Variants in FAM241A observed in about 807,000 individuals in gnomAD.
FAM241A encodes the protein family with sequence similarity 241 member A, also known as uncharacterized protein FAM241A.
A neutral mutation model predicts 12.2 loss-of-function variants in FAM241A; 7 were observed. The ratio of observed to expected loss-of-function variants is 0.58; its 90% confidence interval spans 0.33 to 1.08. The LOEUF (loss-of-function observed/expected upper bound fraction) is 1.08, where lower values mean the gene tolerates loss of function less well. FAM241A is among the 50% of genes least tolerant of loss of function. The pLI, the probability that FAM241A is intolerant of heterozygous loss-of-function variation, is 0.04. For missense variants in FAM241A, 161 were observed against 169.7 expected, an observed-to-expected ratio of 0.95 and a Z score of 0.29; for synonymous variants, 74 against 68.2, an observed-to-expected ratio of 1.08 and a Z score of -0.42.
intron 1 of FAM241A, among the ~76,000 whole-genome samples, chr4:112,166,370 C>T (rs1723596673): frequency 6.6e-6 from 1 of 152,016 alleles, no homozygotes; most frequent in African/African-American, 2.4e-5. Context: ...TTTAAAAGTA[C>T]ATTTCTTAAT....
At chr4:112,171,216 A>T in intron 1 of FAM241A, 4 of 708,526 alleles carry the variant, frequency 5.6e-6, no homozygotes, top group South Asian at 5.5e-5. Context: ...TCCTGCAAAC[A>T]TGGTAAACAT....
At chr4:112,172,319 A>C (rs1423973097) in intron 1 of FAM241A, among the ~76,000 whole-genome samples, 1 of 152,230 alleles carries the variant, frequency 6.6e-6, no homozygotes, top group African/African-American at 2.4e-5. Context: ...CATAGGGATA[A>C]CCTTTGAGAT....
At position 112,193,241 on chromosome 4, in the gene FAM241A, A is replaced by G. The variant is rs2110440091; in HGVS notation, c.*6303A>G. On this transcript the variant is annotated 3_prime_UTR_variant, in exon 2 of 2. Coordinates refer to ENST00000309733, the MANE Select transcript of FAM241A (RefSeq NM_152400.3). ...TGTTTGAGTTCATTGTAGATTCTGG[A>G]TATTAGCCCTTTGTCAGATGAGTAG... The G allele has an allele frequency of 6.6e-6, 1 of 151,470 alleles. No individual in the cohort carries two copies. The highest frequency in any genetic ancestry group is 6.6e-5 in the Admixed American group (1 of 15,222). The allele number at this position is 151,470 out of a possible 1,614,324, so 9.4% of individuals were successfully genotyped here. A position where few individuals can be genotyped will look rare whatever the true frequency, so the allele number is the denominator to read the frequency against.
At chr4:112,179,914 G>GACATACATATATATAT (rs1479640205) in intron 1 of FAM241A, among the ~76,000 whole-genome samples, 139 of 117,764 alleles carry the variant, frequency 1.2e-3, no homozygotes, top group Middle Eastern at 9.9e-3. Context: ...AAGAAAATGT[G>GACATACATATATATAT]ATATATATAT....
chr4:112,149,382 A>G (rs1281988777), intron 1 of FAM241A, among the ~76,000 whole-genome samples: 1 of 152,174 alleles, frequency 6.6e-6, no homozygotes, highest in Non-Finnish European at 1.5e-5. Context: ...TCATTTTCCC[A>G]TGTTATGGAA....
Position 112,145,628 on chromosome 4 carries a change from C to T in FAM241A, c.48C>T (p.Arg16=). 1 of 1,227,094 alleles carries T rather than the reference C, an allele frequency of 8.1e-7. No individual in the cohort carries two copies. Among genetic ancestry groups the T allele is most frequent in the Non-Finnish European group, 1.0e-6 (1 of 984,048 alleles). 76.0% of individuals were successfully genotyped at this position (1,227,094 alleles called of 1,614,324 possible). A position where few individuals can be genotyped will look rare whatever the true frequency, so the allele number is the denominator to read the frequency against. ...ELLRGGDGGE[R]DEDGDALAER... is the part of the protein sequence containing the mutation. ...TGCGGGGCGGCGACGGCGGGGAACG[C>T]GACGAGGACGGGGACGCGCTGGCGG... is the stretch of plus-strand genomic sequence containing the variant. Residue 16 remains arginine (R), a synonymous_variant, in exon 1 of 2, where the codon CGC becomes CGT. Coordinates refer to ENST00000309733, the MANE Select transcript of FAM241A (RefSeq NM_152400.3).
rs1724136130 is a variant in FAM241A, at chr4:112,190,173, T to TAC, written c.*3237_*3238dup. The stretch of plus-strand genomic sequence containing the variant: ...CCAGGCAATCAGGAAAGGCAAAACT[T>TAC]ACAGAATGATAGAGGAAAAATTACA... On this transcript the variant is annotated 3_prime_UTR_variant, in exon 2 of 2. Transcript: ENST00000309733. 6.9e-6 allele frequency: 1 copy of TAC among 145,590 alleles called. No homozygotes were observed. Among genetic ancestry groups the TAC allele is most frequent in the South Asian group, 2.1e-4 (1 of 4,770 alleles). 9.0% of individuals were successfully genotyped at this position (145,590 alleles called of 1,614,324 possible).
chr4:112,179,780 A>G (rs1243380496), intron 1 of FAM241A, among the ~76,000 whole-genome samples: 2 of 149,584 alleles, frequency 1.3e-5, no homozygotes, highest in East Asian at 1.9e-4. Context: ...CTATTACTGC[A>G]TATATACCCA....
At chr4:112,167,920 T>A (rs934338842) in intron 1 of FAM241A, among the ~76,000 whole-genome samples, 4 of 152,190 alleles carry the variant, frequency 2.6e-5, no homozygotes, top group African/African-American at 9.6e-5. Flanking sequence ...ATGACAGACA[T>A]CAAGAACCAG....
At chr4:112,164,851 C>G (rs944507598) in intron 1 of FAM241A, among the ~76,000 whole-genome samples, 2 of 152,214 alleles carry the variant, frequency 1.3e-5, no homozygotes, top group African/African-American at 4.8e-5. Context: ...TGGCTCACGC[C>G]TATAATCCCA....
At position 112,188,816 on chromosome 4, in the gene FAM241A, TACTA is replaced by T. The variant is rs559309801; in HGVS notation, c.*1883_*1886del. ...AAAACATTTTTAAAGTAATTTTTAA[TACTA>T]ACTATTTAGTATACTGTCAGTACTG... is the stretch of plus-strand genomic sequence containing the variant. On this transcript the variant is annotated 3_prime_UTR_variant, in exon 2 of 2. Transcript: ENST00000309733. 1.2e-3 allele frequency: 178 copies of T among 152,294 alleles called. 1 individual carries two copies. The highest frequency in any genetic ancestry group is 7.4e-4 in the Non-Finnish European group (50 of 68,010). The allele number at this position is 152,294 out of a possible 1,614,324, so 9.4% of individuals were successfully genotyped here.
At position 112,193,955 on chromosome 4, in the gene FAM241A, C is replaced by T. The variant is rs1402481553; in HGVS notation, c.*7017C>T. On this transcript the variant is annotated 3_prime_UTR_variant, in exon 2 of 2. Transcript: ENST00000309733. ...ACCTTGGGCAGTATGGCCATTTTCA[C>T]GATATTGATTCTTCCTATCCATGAG... The T allele has an allele frequency of 1.1e-4, 17 of 149,046 alleles. No homozygotes were observed. Among genetic ancestry groups the T allele is most frequent in the Admixed American group, 2.7e-4 (4 of 14,898 alleles). The allele number at this position is 149,046 out of a possible 1,614,324, so 9.2% of individuals were successfully genotyped here.
chr4:112,160,763 T>G (rs1432800262), intron 1 of FAM241A, among the ~76,000 whole-genome samples: 1 of 152,148 alleles, frequency 6.6e-6, no homozygotes, highest in Non-Finnish European at 1.5e-5. Context: ...ACACCTATAG[T>G]GATCACATTT....
rs552168806 is a variant in FAM241A, at chr4:112,146,258, A to G, written c.153+525A>G. On this transcript the variant is annotated intron_variant, in intron 1 of 1. Coordinates refer to ENST00000309733, the MANE Select transcript of FAM241A (RefSeq NM_152400.3). ...TGAGTAGGAGCGGGTGTTACAATGA[A>G]TGTCTTGACAGGGACTCTCCCAGAG... is the stretch of plus-strand genomic sequence containing the variant. Among the ~76,000 whole-genome samples the G allele has an allele frequency of 4.6e-5, 7 of 152,120 alleles. No individual in the cohort carries two copies. In the South Asian group the frequency reaches 1.2e-3, roughly 27 times the overall value.
At chr4:112,147,874 C>G (rs1025609) in intron 1 of FAM241A, among the ~76,000 whole-genome samples, 50,919 of 151,732 alleles carry the variant, frequency 0.34, 8,648 homozygotes, top group East Asian at 0.53. Context: ...GAGACAGAGG[C>G]CATCTTCCTG....
At chr4:112,152,965 A>G (rs1303313663) in intron 1 of FAM241A, among the ~76,000 whole-genome samples, 12 of 151,862 alleles carry the variant, frequency 7.9e-5, no homozygotes, top group Non-Finnish European at 1.2e-4. Context: ...TTTGCTCCTT[A>G]TTTCTCCCTC....
chr4:112,163,994 C>T (rs953032840), intron 1 of FAM241A, among the ~76,000 whole-genome samples: 10 of 152,040 alleles, frequency 6.6e-5, no homozygotes, highest in African/African-American at 1.7e-4. Flanking sequence ...AACCATCATT[C>T]GGAGCAAACT....
In FAM241A at chr4:112,145,598, G is replaced by T; in HGVS notation, c.18G>T (p.Glu6Asp). The T allele has an allele frequency of 1.6e-6, 2 of 1,244,688 alleles. No individual in the cohort carries two copies. The highest frequency in any genetic ancestry group is 2.0e-6 in the Non-Finnish European group (2 of 993,694). 77.1% of individuals were successfully genotyped at this position (1,244,688 alleles called of 1,614,324 possible). A position where few individuals can be genotyped will look rare whatever the true frequency, so the allele number is the denominator to read the frequency against. MCSAG[E>D]LLRGGDGGER... ...GCTGCGGGATGTGCTCAGCCGGGGA[G>T]CTGCTGCGGGGCGGCGACGGCGGGG... The change falls in exon 1 of 2, where the codon GAG becomes GAT. Residue 6 changes from glutamate to aspartate, a missense_variant. Transcript: ENST00000309733.
Position 112,190,778 on chromosome 4 carries a change from T to C in FAM241A, c.*3840T>C, listed in dbSNP as rs1048412583. 2 of 152,100 alleles carry C rather than the reference T, an allele frequency of 1.3e-5. No homozygotes were observed. The highest frequency in any genetic ancestry group is 1.3e-4 in the Admixed American group (2 of 15,262). 9.4% of individuals were successfully genotyped at this position (152,100 alleles called of 1,614,324 possible). A position where few individuals can be genotyped will look rare whatever the true frequency, so the allele number is the denominator to read the frequency against. ...ATAAACTTATTTACAAACTATGACTTCAGGAGTATTGGTGGATTAGAGGTC... is the reference window on the plus strand; with the variant it reads ...ATAAACTTATTTACAAACTATGACTCCAGGAGTATTGGTGGATTAGAGGTC... On this transcript the variant is annotated 3_prime_UTR_variant, in exon 2 of 2. Transcript: ENST00000309733.
Sources: gnomAD v4.1 joint callset for allele counts (sites outside exome capture counted in the v4.1 genomes callset) on GRCh38, gnomAD v4.1.1 for gene constraint, MANE v1.5 for transcripts, NCBI Gene and HGNC (gene_info 2026-07-23, HGNC 2026-07-21) for gene names.